The following LTBP2 variants were observed in gnomAD, a reference collection of about 807,000 sequenced individuals.
LTBP2 encodes latent transforming growth factor beta binding protein 2, also known as latent-transforming growth factor beta-binding protein 2.
LTBP2 carries 103 observed loss-of-function variants against 210.6 expected under a neutral mutation model. That is an observed-to-expected ratio of 0.49 (90% CI 0.42 to 0.58). The LOEUF is 0.58. LTBP2 is among the 20% of genes least tolerant of loss of function. LTBP2 has a pLI of 0.00. For synonymous variants in LTBP2, 1,007 were observed against 1,015.0 expected (o/e 0.99, Z 0.15); for missense variants, 2,313 against 2,494.5 (o/e 0.93, Z 1.55).
intron 1 of LTBP2, among the ~76,000 whole-genome samples, 181 bp from the exon 2 acceptor site, chr14:74,603,886 A>G (rs1231428196): frequency 6.6e-6 from 1 of 152,146 alleles, no homozygotes; most frequent in African/African-American, 2.4e-5. Flanking sequence ...TTCTCTGCAC[A>G]TCCCTGGGAA....
At chr14:74,602,268 T>C (rs913226778) in intron 2 of LTBP2, among the ~76,000 whole-genome samples, 5 of 152,236 alleles carry the variant, frequency 3.3e-5, no homozygotes, top group Admixed American at 2.6e-4. Context: ...TAAGCCACGA[T>C]GATAAGCATA....
chr14:74,500,855 C>T lies in LTBP2; in HGVS notation c.*29G>A. The T allele has an allele frequency of 6.2e-7, 1 of 1,613,356 alleles. No individual in the cohort carries two copies. The highest frequency in any genetic ancestry group is 8.5e-7 in the Non-Finnish European group (1 of 1,179,930). Reference sequence around the variant, plus strand: ...CCTGCCTGTGACTGGAGGCCATTTCCAGGTAGTTGCCACACTGACCCCTGA... The same window carrying T: ...CCTGCCTGTGACTGGAGGCCATTTCTAGGTAGTTGCCACACTGACCCCTGA... On this transcript the variant is annotated 3_prime_UTR_variant, in exon 36 of 36. Coordinates refer to ENST00000261978, the MANE Select transcript of LTBP2 (RefSeq NM_000428.3).
chr14:74,528,636 G>GGC lies in LTBP2; in HGVS notation c.2213_2214dup (p.Leu739AlafsTer4). On this transcript the variant is annotated frameshift_variant, in exon 12 of 36. Transcript: ENST00000261978. LOFTEE classifies it high-confidence loss of function. ...TCCTCCTCGGCTTTCCTCATGGACA[G>GGC]GCGGATGTCGGAGCTCGCGTAGGTG... 1 of 1,613,542 alleles carries GGC rather than the reference G, an allele frequency of 6.2e-7. No homozygotes were observed. The highest frequency in any genetic ancestry group is 8.5e-7 in the Non-Finnish European group (1 of 1,180,048).
chr14:74,567,878 T>G (rs1238651529), intron 3 of LTBP2, among the ~76,000 whole-genome samples: 2 of 152,166 alleles, frequency 1.3e-5, no homozygotes, highest in African/African-American at 4.8e-5. Flanking sequence ...GCAGGCAGTC[T>G]GAGGCCCCTG....
rs548747561 is a variant in LTBP2, at chr14:74,528,591, T to C, written c.2260A>G (p.Arg754Gly). 6.2e-7 allele frequency: 1 copy of C among 1,613,542 alleles called. No homozygotes were observed. Among genetic ancestry groups the C allele is most frequent in the Admixed American group, 1.7e-5 (1 of 60,030 alleles). ...AEEEELARPP[R>G]EQGQRSSGAL... is the part of the protein sequence containing the mutation. ...CCGCTGCTCCTCTGCCCTTGCTCCC[T>C]TGGGGGCCTTGCCAGTTCCTCCTCC... Residue 754 changes from arginine to glycine, a missense_variant, in exon 12 of 36, where the codon AGG (arginine) becomes GGG (glycine). By Grantham distance (125) the Arg-to-Gly change is moderately radical. Transcript: ENST00000261978.
intron 34 of LTBP2, 125 bp from the exon 35 acceptor site, chr14:74,501,715 G>A: frequency 8.4e-7 from 1 of 1,189,068 alleles, no homozygotes; most frequent in Non-Finnish European, 1.2e-6. Context: ...GGGGCAGAGA[G>A]GATCATAAAA....
chr14:74,564,760 CAT>C (rs2139765350), intron 3 of LTBP2, among the ~76,000 whole-genome samples: 1 of 152,136 alleles, frequency 6.6e-6, no homozygotes, highest in Admixed American at 6.6e-5. Context: ...CATCCTCTCA[CAT>C]AGAGCTCTCC....
intron 3 of LTBP2, among the ~76,000 whole-genome samples, chr14:74,576,643 T>C (rs1357879954): frequency 1.3e-5 from 2 of 151,506 alleles, no homozygotes; most frequent in African/African-American, 4.9e-5. Context: ...GTACAACTCT[T>C]GGGGTACCTG....
chr14:74,537,882 G>A (rs1192834423), intron 8 of LTBP2, among the ~76,000 whole-genome samples: 1 of 152,138 alleles, frequency 6.6e-6, no homozygotes, highest in East Asian at 1.9e-4. Flanking sequence ...AGCCTCCCGA[G>A]TAGCTGGGAT....
Position 74,499,550 on chromosome 14 carries a change from G to A in LTBP2, c.*1334C>T, listed in dbSNP as rs2086888096. 1 of 228,880 alleles carries A rather than the reference G, an allele frequency of 4.4e-6. No homozygotes were observed. The highest frequency in any genetic ancestry group is 8.7e-6 in the Non-Finnish European group (1 of 115,346). The allele number at this position is 228,880 out of a possible 1,614,324, so 14.2% of individuals were successfully genotyped here. ...CCATGCTCCAGTCACATGGAGCCTT[G>A]TTCATTTACATTGCCATTCATCAGA... On this transcript the variant is annotated 3_prime_UTR_variant, in exon 36 of 36. Coordinates refer to ENST00000261978, the MANE Select transcript of LTBP2 (RefSeq NM_000428.3).
At chr14:74,536,716 C>G (rs1037361347) in intron 8 of LTBP2, among the ~76,000 whole-genome samples, 1 of 152,168 alleles carries the variant, frequency 6.6e-6, no homozygotes, top group Non-Finnish European at 1.5e-5. Context: ...CATGGCAGCA[C>G]ATGCCTGTAA....
At chr14:74,507,644 T>A (rs2087008033) in intron 25 of LTBP2, among the ~76,000 whole-genome samples, 1 of 152,176 alleles carries the variant, frequency 6.6e-6, no homozygotes, top group Non-Finnish European at 1.5e-5. Context: ...TTACAGAGAG[T>A]TGTCTTCATA....
intron 28 of LTBP2, 65 bp downstream of exon 28, chr14:74,505,983 T>G: frequency 6.2e-7 from 1 of 1,601,426 alleles, no homozygotes. Flanking sequence ...AGTAGAGGGA[T>G]GCAGAGGGAC....
chr14:74,504,461 A>G (rs2086957150), intron 30 of LTBP2, among the ~76,000 whole-genome samples: 1 of 152,210 alleles, frequency 6.6e-6, no homozygotes, highest in African/African-American at 2.4e-5. Flanking sequence ...TCTGGCCTCT[A>G]GAGCAGTGCT....
intron 3 of LTBP2, among the ~76,000 whole-genome samples, chr14:74,582,591 C>T (rs2088152235): frequency 6.6e-6 from 1 of 152,150 alleles, no homozygotes; most frequent in Non-Finnish European, 1.5e-5. Context: ...TTAATCTTTC[C>T]TGTCATCCTA....
At chr14:74,548,012 A>G (rs575473166) in intron 8 of LTBP2, among the ~76,000 whole-genome samples, 93 of 151,500 alleles carry the variant, frequency 6.1e-4, no homozygotes, top group African/African-American at 2.2e-3. Flanking sequence ...GGGTTGTTAA[A>G]CTCTTCCCCA....
intron 19 of LTBP2, among the ~76,000 whole-genome samples, chr14:74,510,787 A>G (rs750967384): frequency 1.3e-4 from 20 of 152,238 alleles, no homozygotes; most frequent in Admixed American, 2.0e-4. Flanking sequence ...AGGGGGCTGC[A>G]GGAAAAGAGC....
Position 74,509,659 on chromosome 14 carries a change from G to T in LTBP2, c.3277+75C>A, listed in dbSNP as rs535787664. 3.1e-6 allele frequency: 5 copies of T among 1,604,864 alleles called. No individual in the cohort carries two copies. The African/African-American group carries it at 5.3e-5, about 17-fold the overall frequency. ...CCCTCGGCATCAGCCCCAAACTGGGGACAAATTGAGTGTTCTTTGGGAGGT... is the reference window on the plus strand; with the variant it reads ...CCCTCGGCATCAGCCCCAAACTGGGTACAAATTGAGTGTTCTTTGGGAGGT... On this transcript the variant is annotated intron_variant, in intron 21 of 35. Coordinates refer to ENST00000261978, the MANE Select transcript of LTBP2 (RefSeq NM_000428.3).
intron 2 of LTBP2, among the ~76,000 whole-genome samples, chr14:74,592,215 G>A (rs928851421): frequency 1.3e-5 from 2 of 152,210 alleles, no homozygotes; most frequent in African/African-American, 4.8e-5. Context: ...AGTGGCAGAG[G>A]CTATTGCTTA....
Sources: gnomAD v4.1 joint callset for allele counts (sites outside exome capture counted in the v4.1 genomes callset) on GRCh38, gnomAD v4.1.1 for gene constraint, MANE v1.5 for transcripts, NCBI Gene and HGNC (gene_info 2026-07-23, HGNC 2026-07-21) for gene names.